Variants in EFNA5 observed in about 807,000 individuals in gnomAD.
EFNA5 encodes ephrin A5, also known as ephrin-A5.
Under a neutral mutation model 22.9 loss-of-function variants are expected in EFNA5, and 5 were observed. The ratio of observed to expected loss-of-function variants is 0.22; its 90% CI spans 0.11 to 0.46. The LOEUF is 0.46. Among genes scored for constraint, EFNA5 ranks in the 20% least tolerant of loss-of-function variants. The pLI, the probability that EFNA5 is intolerant of heterozygous loss-of-function variation, is 0.99. For missense variants in EFNA5, 237 were observed against 293.3 expected (o/e 0.81, Z 1.40); for synonymous variants, 113 against 112.2 (o/e 1.01, Z -0.04).
chr5:107,564,252 T>C (rs1748613439), intron 1 of EFNA5, among the ~76,000 whole-genome samples: 1 of 152,238 alleles, frequency 6.6e-6, no homozygotes, highest in Non-Finnish European at 1.5e-5. Flanking sequence ...GACAAATTAC[T>C]GTTAAAGGCA....
At chr5:107,604,343 G>A (rs1247641136) in intron 1 of EFNA5, among the ~76,000 whole-genome samples, 3 of 144,924 alleles carry the variant, frequency 2.1e-5, no homozygotes, top group Admixed American at 6.9e-5. Context: ...ACCTGGCTCT[G>A]ATTTTTTTTT....
chr5:107,610,352 C>T (rs1275127867), intron 1 of EFNA5, among the ~76,000 whole-genome samples: 2 of 152,248 alleles, frequency 1.3e-5, no homozygotes, highest in African/African-American at 4.8e-5. Context: ...CCTCACGGCG[C>T]ACCCGCCCCG....
intron 2 of EFNA5, among the ~76,000 whole-genome samples, chr5:107,419,961 A>G (rs1252214843): frequency 6.6e-6 from 1 of 152,206 alleles, no homozygotes; most frequent in Non-Finnish European, 1.5e-5. Context: ...AAAGACAATG[A>G]ACAGTGAAAA....
chr5:107,408,031 A>C (rs1452358101), intron 2 of EFNA5, among the ~76,000 whole-genome samples: 1 of 152,204 alleles, frequency 6.6e-6, no homozygotes, highest in Non-Finnish European at 1.5e-5. Flanking sequence ...TACTAATTTG[A>C]AAAACTAATG....
intron 1 of EFNA5, among the ~76,000 whole-genome samples, chr5:107,664,167 G>T (rs534228974): frequency 6.6e-6 from 1 of 151,950 alleles, no homozygotes; most frequent in African/African-American, 2.4e-5. Flanking sequence ...AATAGCACAC[G>T]GATTTCAGTT....
intron 2 of EFNA5, among the ~76,000 whole-genome samples, chr5:107,391,251 T>C (rs1747788838): frequency 6.6e-6 from 1 of 152,218 alleles, no homozygotes; most frequent in Admixed American, 6.5e-5. Context: ...AAACTGTCCC[T>C]GCCCTTGTGT....
At chr5:107,444,867 T>G (rs1213950322) in intron 1 of EFNA5, among the ~76,000 whole-genome samples, 2 of 152,300 alleles carry the variant, frequency 1.3e-5, no homozygotes, top group Non-Finnish European at 1.5e-5. Flanking sequence ...ATTTCCTGCT[T>G]CATTGGGAAT....
At chr5:107,408,513 T>A (rs927902083) in intron 2 of EFNA5, among the ~76,000 whole-genome samples, 12 of 152,230 alleles carry the variant, frequency 7.9e-5, no homozygotes, top group African/African-American at 2.9e-4. Context: ...AATTTTCTTA[T>A]GTCATGCTTG....
At chr5:107,405,918 T>C (rs1372181098) in intron 2 of EFNA5, among the ~76,000 whole-genome samples, 1 of 146,718 alleles carries the variant, frequency 6.8e-6, no homozygotes, top group Non-Finnish European at 1.5e-5. Context: ...ATAGAATGTA[T>C]ACAAATACAT....
chr5:107,380,887 C>A lies in EFNA5; in HGVS notation c.*368G>T. ...TGCATCTGCCACTATTCTTCCTTGT[C>A]CATAGCCCGCTGACACAGTGCGCTA... On this transcript the variant is annotated 3_prime_UTR_variant, in exon 5 of 5. Coordinates refer to ENST00000333274, the MANE Select transcript of EFNA5 (RefSeq NM_001962.3). The A allele has an allele frequency of 2.4e-6, 1 of 415,328 alleles. No homozygotes were observed. Among genetic ancestry groups the A allele is most frequent in the Non-Finnish European group, 4.3e-6 (1 of 235,102 alleles). 25.7% of individuals were successfully genotyped at this position (415,328 alleles called of 1,614,324 possible). A position where few individuals can be genotyped will look rare whatever the true frequency, so the allele number is the denominator to read the frequency against.
In EFNA5 at chr5:107,507,110, G is replaced by T. The variant is rs140742192; in HGVS notation, c.126-79601C>A. Among the ~76,000 whole-genome samples, 303 of 152,152 alleles carry T rather than the reference G, an allele frequency of 2.0e-3. 1 individual carries two copies. Among genetic ancestry groups the T allele is most frequent in the African/African-American group, 6.6e-3 (275 of 41,540 alleles). On this transcript the variant is annotated intron_variant, in intron 1 of 4. Transcript: ENST00000333274. ...CTATTATTCTTATATAATATGATCT[G>T]TCAAAATAAAAAAAAACTTTTGTTC...
At chr5:107,426,413 C>T (rs1442055812) in intron 2 of EFNA5, among the ~76,000 whole-genome samples, 1 of 152,204 alleles carries the variant, frequency 6.6e-6, no homozygotes, top group African/African-American at 2.4e-5. Flanking sequence ...GAATTTCAGG[C>T]CCTGCCTTAA....
intron 1 of EFNA5, among the ~76,000 whole-genome samples, chr5:107,499,480 T>C (rs1281283372): frequency 6.6e-6 from 1 of 152,228 alleles, no homozygotes; most frequent in Non-Finnish European, 1.5e-5. Flanking sequence ...CCAAGCATGG[T>C]TTTAGCAAGC....
intron 2 of EFNA5, among the ~76,000 whole-genome samples, chr5:107,423,110 T>C (rs1227715691): frequency 6.6e-6 from 1 of 152,190 alleles, no homozygotes; most frequent in Admixed American, 6.5e-5. Context: ...TGAAGTCAAT[T>C]ATAATTACAT....
At chr5:107,634,408 T>G (rs2112538835) in intron 1 of EFNA5, among the ~76,000 whole-genome samples, 1 of 152,234 alleles carries the variant, frequency 6.6e-6, no homozygotes, top group Admixed American at 6.5e-5. Flanking sequence ...TCCTAGTTAC[T>G]TAGGAGGCTG....
chr5:107,518,398 T>C (rs1026797024), intron 1 of EFNA5, among the ~76,000 whole-genome samples: 5 of 152,056 alleles, frequency 3.3e-5, no homozygotes, highest in Admixed American at 2.6e-4. Context: ...GAGTTGATAA[T>C]GCACACACAT....
chr5:107,587,941 G>C (rs1386271620), intron 1 of EFNA5, among the ~76,000 whole-genome samples: 1 of 152,180 alleles, frequency 6.6e-6, no homozygotes, highest in Non-Finnish European at 1.5e-5. Flanking sequence ...GCATGCTAAA[G>C]CAACAACTAC....
chr5:107,486,261 A>G (rs556750926), intron 1 of EFNA5, among the ~76,000 whole-genome samples: 1 of 152,336 alleles, frequency 6.6e-6, no homozygotes, highest in East Asian at 1.9e-4. Flanking sequence ...ACACTGCCAA[A>G]TTCAACCCTA....
chr5:107,581,968 C>CA (rs1358679005), intron 1 of EFNA5, among the ~76,000 whole-genome samples: 1 of 152,182 alleles, frequency 6.6e-6, no homozygotes. Flanking sequence ...GAAAGCACCT[C>CA]AAACTTCTAT....
Sources: gnomAD v4.1 joint callset for allele counts (sites outside exome capture counted in the v4.1 genomes callset) on GRCh38, gnomAD v4.1.1 for gene constraint, MANE v1.5 for transcripts, NCBI Gene and HGNC (gene_info 2026-07-23, HGNC 2026-07-21) for gene names.